MTNAP1: variants seen among roughly 807,000 people sequenced by gnomAD.
MTNAP1 encodes the protein mitochondrial nucleoid associated protein 1, also known as mitochondrial nucleoid-associated protein 1.
the MTNAP1 span, chr17:73,236,257 T>G: frequency 1.2e-6 from 2 of 1,614,160 alleles, no homozygotes; most frequent in South Asian, 2.2e-5. Flanking sequence ...GGATCACCTC[T>G]CAGGAGTCCC....
chr17:73,242,156 G>T, the MTNAP1 span: 1 of 792,416 alleles, frequency 1.3e-6, no homozygotes, highest in Non-Finnish European at 2.0e-6. Flanking sequence ...TCTTCCTGAG[G>T]CTTAGCCGTG....
the MTNAP1 span, chr17:73,248,173 T>A: frequency 6.6e-6 from 2 of 303,704 alleles, no homozygotes; most frequent in Non-Finnish European, 1.2e-5. Context: ...TTCCTATCAG[T>A]TCATTTGCAC....
chr17:73,237,417 G>A, the MTNAP1 span, among the ~76,000 whole-genome samples: 58 of 147,524 alleles, frequency 3.9e-4, no homozygotes, highest in African/African-American at 1.3e-3. Flanking sequence ...CCTGGGCGAC[G>A]GGAATGAGAC....
chr17:73,235,390 A>G, the MTNAP1 span: 1 of 1,156,180 alleles, frequency 8.6e-7, no homozygotes, highest in Admixed American at 2.7e-5. Flanking sequence ...CTTGTTCCAA[A>G]TGAATTTAAA....
chr17:73,236,788 C>A, the MTNAP1 span: 6 of 1,614,162 alleles, frequency 3.7e-6, 1 homozygote, highest in South Asian at 6.6e-5. Flanking sequence ...ATGTTCAGCC[C>A]AGCGTCACAC....
the MTNAP1 span, among the ~76,000 whole-genome samples, chr17:73,240,155 G>A: frequency 6.6e-6 from 1 of 152,194 alleles, no homozygotes; most frequent in Admixed American, 6.5e-5. Flanking sequence ...ACAGGATATA[G>A]GAGGGAAAAT....
At chr17:73,247,332 T>C in the MTNAP1 span, 2 of 1,614,118 alleles carry the variant, frequency 1.2e-6, no homozygotes, top group Admixed American at 1.7e-5. Flanking sequence ...CTAAAACATG[T>C]TTGGATTAGG....
the MTNAP1 span, chr17:73,248,393 T>C: frequency 1.9e-6 from 2 of 1,072,790 alleles, no homozygotes; most frequent in Non-Finnish European, 2.8e-6. Context: ...AACAGCCTTA[T>C]AAGTTTTGTC....
chr17:73,236,511 A>T, the MTNAP1 span: 5 of 1,614,234 alleles, frequency 3.1e-6, no homozygotes, highest in Admixed American at 8.3e-5. Flanking sequence ...CAGTCACAGG[A>T]AAGGAGTCTC....
At chr17:73,248,294 A>G in the MTNAP1 span, 1 of 579,068 alleles carries the variant, frequency 1.7e-6, no homozygotes, top group African/African-American at 1.9e-5. Context: ...AGAAGCCAGT[A>G]CGCTTCAGGT....
chr17:73,236,141 T>C, the MTNAP1 span: 4 of 1,614,178 alleles, frequency 2.5e-6, no homozygotes, highest in South Asian at 4.4e-5. Context: ...CTAGTAAAAT[T>C]ACTAGATGTG....
At chr17:73,232,577 CAT>C in the MTNAP1 span, 3 of 392,578 alleles carry the variant, frequency 7.6e-6, no homozygotes, top group South Asian at 2.4e-4. Flanking sequence ...ATCCGTGTAA[CAT>C]ATTTTAAAAC....
the MTNAP1 span, chr17:73,245,637 G>A: frequency 3.0e-6 from 3 of 985,222 alleles, no homozygotes; most frequent in African/African-American, 5.2e-5. Context: ...CCCACATCAG[G>A]CCCTTCCCCT....
At chr17:73,248,278 A>T in the MTNAP1 span, 1 of 544,884 alleles carries the variant, frequency 1.8e-6, no homozygotes, top group Non-Finnish European at 3.3e-6. Context: ...TAAGACTGCT[A>T]CCCACAGAAG....
chr17:73,242,851 T>C, the MTNAP1 span: 2 of 1,511,190 alleles, frequency 1.3e-6, no homozygotes, highest in Non-Finnish European at 1.8e-6. Flanking sequence ...ATACTGGCCC[T>C]AGTTTCAGTT....
At chr17:73,247,664 C>G in the MTNAP1 span, 1 of 200,028 alleles carries the variant, frequency 5.0e-6, no homozygotes, top group East Asian at 1.3e-4. Context: ...CTTGTATTGC[C>G]AAGTTTAAGG....
At chr17:73,242,662 A>G in the MTNAP1 span, among the ~76,000 whole-genome samples, 1 of 152,226 alleles carries the variant, frequency 6.6e-6, no homozygotes, top group African/African-American at 2.4e-5. Flanking sequence ...AACCAGTTGT[A>G]TTAGCCTCCT....
the MTNAP1 span, among the ~76,000 whole-genome samples, chr17:73,234,458 GA>G: frequency 0.52 from 78,134 of 151,646 alleles, 20,226 homozygotes; most frequent in East Asian, 0.62. Context: ...CTGGAAGGCC[GA>G]AGGCGGGCAG....
chr17:73,245,547 A>G, the MTNAP1 span: 31 of 985,148 alleles, frequency 3.1e-5, no homozygotes, highest in Non-Finnish European at 3.6e-5. Flanking sequence ...CTAGTATCTC[A>G]TTACCATTCA....
Sources: allele counts gnomAD v4.1 joint callset (sites outside exome capture counted in the v4.1 genomes callset), GRCh38; gene constraint gnomAD v4.1.1; transcripts MANE v1.5; gene names NCBI Gene and HGNC (gene_info 2026-07-23, HGNC 2026-07-21).